SLC37A2: variants seen among roughly 807,000 people sequenced by gnomAD.
SLC37A2 encodes solute carrier family 37 member 2.
Under a neutral mutation model 70.7 loss-of-function variants are expected in SLC37A2, and 59 were observed. The observed-to-expected ratio is 0.83, with a 90% CI of 0.68 to 1.04. The LOEUF is 1.04. Ranked by LOEUF, SLC37A2 falls within the 50% of genes least tolerant of loss-of-function variation. The pLI is 0.00. For synonymous variants in SLC37A2, 257 were observed against 262.1 expected (o/e 0.98, Z 0.19); for missense variants, 580 against 658.1 (o/e 0.88, Z 1.30).
At chr11:125,064,979 G>C (rs554129087) in intron 1 of SLC37A2, among the ~76,000 whole-genome samples, 1 of 152,298 alleles carries the variant, frequency 6.6e-6, no homozygotes, top group East Asian at 1.9e-4. Flanking sequence ...TTTAAAAAGA[G>C]AATCTAAAGA....
At chr11:125,073,673 A>T (rs1949052353) in intron 1 of SLC37A2, among the ~76,000 whole-genome samples, 1 of 152,278 alleles carries the variant, frequency 6.6e-6, no homozygotes, top group African/African-American at 2.4e-5. Context: ...GTAAGGAATG[A>T]AACCAGCTTT....
chr11:125,086,456 G>C, intron 17 of SLC37A2: 1 of 595,926 alleles, frequency 1.7e-6, no homozygotes, highest in Admixed American at 2.7e-5. Flanking sequence ...GAGGTTGGTG[G>C]CCTCTTCCCT....
Position 125,085,576 on chromosome 11 carries a change from G to A in SLC37A2, c.1328-1G>A. The A allele has an allele frequency of 6.2e-7, 1 of 1,613,890 alleles. No individual in the cohort carries two copies. Among genetic ancestry groups the A allele is most frequent in the Non-Finnish European group, 8.5e-7 (1 of 1,180,034 alleles). On this transcript the variant is annotated splice_acceptor_variant, in intron 15 of 17. Coordinates refer to ENST00000403796, the MANE Select transcript of SLC37A2 (RefSeq NM_001145290.2). LOFTEE classifies it high-confidence loss of function. ...TGCTCACGAGGCTGTGCTCCATTCAGGTGCGGCTCTGGGGCCTCTGCTGGC... is the reference window on the plus strand; with the variant it reads ...TGCTCACGAGGCTGTGCTCCATTCAAGTGCGGCTCTGGGGCCTCTGCTGGC...
At chr11:125,073,730 C>T (rs1232837464) in intron 1 of SLC37A2, among the ~76,000 whole-genome samples, 1 of 152,246 alleles carries the variant, frequency 6.6e-6, no homozygotes, top group Non-Finnish European at 1.5e-5. Context: ...GACATCAACT[C>T]CCTGACATCC....
At position 125,088,119 on chromosome 11, in the gene SLC37A2, G is replaced by A. The variant is rs757205803; in HGVS notation, c.1491G>A (p.Gly497=). ...AWKVSLSRGS[G]YKEI Reference sequence around the variant, plus strand: ...TGTCCCCCCTCTCCTCTTCATGCAGGTATAAAGAAATATGAGGCCCCAATT... The same window carrying A: ...TGTCCCCCCTCTCCTCTTCATGCAGATATAAAGAAATATGAGGCCCCAATT... Residue 497 remains glycine, a splice_region_variant and synonymous_variant, in exon 18 of 18, where the codon GGG becomes GGA. Coordinates refer to ENST00000403796, the MANE Select transcript of SLC37A2 (RefSeq NM_001145290.2). 3.2e-6 allele frequency: 5 copies of A among 1,551,762 alleles called. No homozygotes were observed. The highest frequency in any genetic ancestry group is 2.7e-5 in the African/African-American group (2 of 72,956).
chr11:125,085,736 C>T, intron 16 of SLC37A2, 62 bp downstream of exon 16: 1 of 1,560,944 alleles, frequency 6.4e-7, no homozygotes, highest in South Asian at 1.1e-5. Flanking sequence ...AGACTGGAAC[C>T]CTGGAGGTCC....
intron 1 of SLC37A2, among the ~76,000 whole-genome samples, chr11:125,068,299 T>C (rs1949000218): frequency 6.6e-6 from 1 of 152,236 alleles, no homozygotes; most frequent in South Asian, 2.1e-4. Flanking sequence ...GGAAACATTC[T>C]TGACGTCTTG....
chr11:125,076,939 T>C (rs531745957), intron 2 of SLC37A2, 101 bp downstream of exon 2: 4 of 1,129,134 alleles, frequency 3.5e-6, no homozygotes, highest in South Asian at 1.3e-5. Context: ...CCTGGCAGGC[T>C]CCCACTCTCA....
At chr11:125,065,910 T>C (rs1948975175) in intron 1 of SLC37A2, among the ~76,000 whole-genome samples, 1 of 152,230 alleles carries the variant, frequency 6.6e-6, no homozygotes, top group South Asian at 2.1e-4. Flanking sequence ...TCTACTAAGT[T>C]CTTATGGGTT....
At chr11:125,075,592 C>A (rs1410200284) in intron 1 of SLC37A2, among the ~76,000 whole-genome samples, 1 of 152,228 alleles carries the variant, frequency 6.6e-6, no homozygotes, top group Non-Finnish European at 1.5e-5. Flanking sequence ...GGAGCAACTT[C>A]AGTCTCTCAA....
Position 125,082,287 on chromosome 11 carries a change from T to A in SLC37A2, c.929T>A (p.Val310Asp), listed in dbSNP as rs1405934028. ...FSLCLLFAKL[V>D]SYTFLYWLPL... ...CTGTGTCTGCTGTTTGCCAAGCTGG[T>A]CAGTTACACCTTCCTCTACTGGCTG... is the stretch of plus-strand genomic sequence containing the variant. The change falls in exon 10 of 18, where the codon GTC becomes GAC. Residue 310 changes from valine to aspartate, a missense_variant. Val to Asp is a radical substitution (Grantham distance 152). Transcript: ENST00000403796. The A allele has an allele frequency of 1.2e-6, 2 of 1,613,832 alleles. No homozygotes were observed. The highest frequency in any genetic ancestry group is 4.5e-5 in the East Asian group (2 of 44,862).
chr11:125,079,437 A>T (rs1949124628), intron 5 of SLC37A2, among the ~76,000 whole-genome samples, 190 bp downstream of exon 5: 1 of 152,166 alleles, frequency 6.6e-6, no homozygotes, highest in African/African-American at 2.4e-5. Flanking sequence ...GGCCTTGAGC[A>T]CAACGCTGTG....
rs760123981 is a variant in SLC37A2, at chr11:125,076,783, C to A, written c.86C>A (p.Thr29Asn). 15 of 1,614,058 alleles carry A rather than the reference C, an allele frequency of 9.3e-6. No homozygotes were observed. Among genetic ancestry groups the A allele is most frequent in the Non-Finnish European group, 1.2e-5 (14 of 1,180,040 alleles). ...SWFRGLILLL[T>N]FLIYACYHMS... ...TTCCGAGGCCTCATCCTGCTGCTGA[C>A]CTTCCTAATTTACGCCTGCTATCAC... Residue 29 changes from threonine (T) to asparagine (N), a missense_variant, in exon 2 of 18, where the codon ACC becomes AAC. Coordinates refer to ENST00000403796, the MANE Select transcript of SLC37A2 (RefSeq NM_001145290.2).
chr11:125,088,017 T>C (rs2135579884), intron 17 of SLC37A2, 102 bp from the exon 18 acceptor site: 1 of 1,283,400 alleles, frequency 7.8e-7, no homozygotes, highest in Non-Finnish European at 1.1e-6. Flanking sequence ...ATGAAAGCAA[T>C]GATGAAGGGA....
chr11:125,079,642 C>T (rs891536520), intron 5 of SLC37A2, 42 bp from the exon 6 acceptor site: 4 of 1,517,048 alleles, frequency 2.6e-6, no homozygotes, highest in African/African-American at 1.4e-5. Context: ...GCCAGTCGCA[C>T]AGCCCAGGCC....
intron 4 of SLC37A2, 96 bp from the exon 5 acceptor site, chr11:125,079,016 A>G: frequency 1.3e-6 from 2 of 1,540,014 alleles, no homozygotes; most frequent in South Asian, 1.2e-5. Flanking sequence ...GACCTTGGCC[A>G]GAGCCACTTC....
chr11:125,069,594 T>C (rs984297108), intron 1 of SLC37A2, among the ~76,000 whole-genome samples: 9 of 152,236 alleles, frequency 5.9e-5, no homozygotes, highest in African/African-American at 2.2e-4. Flanking sequence ...AGGAAGTCTT[T>C]GACTTGGATC....
rs1949136658 is a variant in SLC37A2, at chr11:125,080,691, G to T, written c.605G>T (p.Trp202Leu). The change falls in exon 7 of 18, where the codon TGG (tryptophan) becomes TTG (leucine). Residue 202 changes from tryptophan to leucine, a missense_variant. Physicochemically the swap from Trp to Leu is moderately conservative, Grantham distance 61 (BLOSUM62 -2). Coordinates refer to ENST00000403796, the MANE Select transcript of SLC37A2 (RefSeq NM_001145290.2). The surrounding 1 kb of genome is among the most constrained non-coding windows in gnomAD (Gnocchi z 4.3). ...NILGSLIAGI[W>L]VNGQWGLSFI... ...CTGGGCTCCCTGATCGCCGGCATCTGGGTGAACGGGCAGTGGGGCCTGTCG... is the reference window on the plus strand; with the variant it reads ...CTGGGCTCCCTGATCGCCGGCATCTTGGTGAACGGGCAGTGGGGCCTGTCG... 6.3e-7 allele frequency: 1 copy of T among 1,585,420 alleles called. No homozygotes were observed. Among genetic ancestry groups the T allele is most frequent in the Non-Finnish European group, 8.6e-7 (1 of 1,165,218 alleles).
rs764520016 is a variant in SLC37A2, at chr11:125,081,743, C to T, written c.733-11C>T. 2 of 1,575,272 alleles carry T rather than the reference C, an allele frequency of 1.3e-6. No homozygotes were observed. Among genetic ancestry groups the T allele is most frequent in the East Asian group, 2.3e-5 (1 of 44,334 alleles). The stretch of plus-strand genomic sequence containing the variant: ...GACGCACCCACAGCAGGGCTCATCT[C>T]CTCTGCTCAGGGTGAGCCAGCTGAG... On this transcript the variant is annotated splice_polypyrimidine_tract_variant and intron_variant, in intron 8 of 17. Transcript: ENST00000403796.
Sources: allele counts gnomAD v4.1 joint callset (sites outside exome capture counted in the v4.1 genomes callset), GRCh38; gene constraint gnomAD v4.1.1; non-coding constraint Gnocchi (gnomAD v3.1); transcripts MANE v1.5; gene names NCBI Gene and HGNC (gene_info 2026-07-23, HGNC 2026-07-21).